Variants in ABR observed in about 807,000 individuals in gnomAD.
ABR encodes ABR activator of RhoGEF and GTPase.
Under a neutral mutation model 107.2 loss-of-function variants are expected in ABR, and 35 were observed. That is an observed-to-expected ratio of 0.33 (90% CI 0.25 to 0.43). The LOEUF (loss-of-function observed/expected upper bound fraction) is 0.43, where lower values mean the gene tolerates loss of function less well. ABR is among the 20% of genes least tolerant of loss of function. The pLI is 1.00. For missense variants in ABR, 815 were observed against 1,115.2 expected (o/e 0.73, Z 3.83); for synonymous variants, 498 against 462.0 (o/e 1.08, Z -1.00).
chr17:1,063,204 C>G (rs1597624156), intron 10 of ABR, among the ~76,000 whole-genome samples: 1 of 98,336 alleles, frequency 1.0e-5, no homozygotes, highest in Non-Finnish European at 2.0e-5. Flanking sequence ...TATGCATGTT[C>G]CTCTAGACAC....
chr17:1,012,729 CT>C lies in ABR; in HGVS notation c.1919del (p.Lys640SerfsTer8). On this transcript the variant is annotated frameshift_variant, in exon 18 of 23. Transcript: ENST00000302538. LOFTEE classifies it high-confidence loss of function. ...TCTTCACACCGAAGACGCCGGTCTG[CT>C]TTTTGGACGGGGTCCTCTTCAGGCT... ...DMSLKRTPSK[K>X]QTGVFGVKIS... 6.3e-7 allele frequency: 1 copy of C among 1,596,894 alleles called. No individual in the cohort carries two copies. The highest frequency in any genetic ancestry group is 8.5e-7 in the Non-Finnish European group (1 of 1,170,992).
chr17:1,078,060 G>A lies in ABR; in HGVS notation c.700+1270C>T, dbSNP rs183035104. Among the ~76,000 whole-genome samples, 343 of 152,226 alleles carry A rather than the reference G, an allele frequency of 2.3e-3. No individual in the cohort carries two copies. Among genetic ancestry groups the A allele is most frequent in the African/African-American group, 6.9e-3 (285 of 41,560 alleles). ...TTCCCCCCAGCCCCCAGCCAGCTGCGGGAGCTGCAAGGAGGATGGTCCGGG... is the reference window on the plus strand; with the variant it reads ...TTCCCCCCAGCCCCCAGCCAGCTGCAGGAGCTGCAAGGAGGATGGTCCGGG... On this transcript the variant is annotated intron_variant, in intron 6 of 22. Coordinates refer to ENST00000302538, the MANE Select transcript of ABR (RefSeq NM_021962.5). This position sits in a 1 kb window ranked among gnomAD's most constrained non-coding sequence, Gnocchi z 7.5.
intron 4 of ABR, among the ~76,000 whole-genome samples, chr17:1,089,558 C>T (rs952609123): frequency 2.6e-4 from 40 of 152,312 alleles, no homozygotes; most frequent in Middle Eastern, 3.4e-3. Flanking sequence ...GGCCCTGCAA[C>T]GTCTCCCTCC....
rs2035335442 is a variant in ABR, at chr17:1,072,637, C to A, written c.871G>T (p.Ala291Ser). The stretch of plus-strand genomic sequence containing the variant: ...ACCTCCCCCTTGGGCGTTGTCACTG[C>A]AGTCCGGCGGGGGTCGATGTCCTCG... ...INEDIDPRRT[A>S]VTTPKGETRQ... Residue 291 changes from alanine (A) to serine (S), a missense_variant, in exon 8 of 23, where the codon GCA becomes TCA. Transcript: ENST00000302538. 1.9e-6 allele frequency: 3 copies of A among 1,610,252 alleles called. No homozygotes were observed. Among genetic ancestry groups the A allele is most frequent in the Non-Finnish European group, 2.5e-6 (3 of 1,178,492 alleles).
chr17:1,066,585 T>A (rs192714478), intron 10 of ABR, among the ~76,000 whole-genome samples: 13 of 152,000 alleles, frequency 8.6e-5, no homozygotes, highest in African/African-American at 2.4e-4. Flanking sequence ...CTGGAGTGCA[T>A]TGGCATGTTC....
rs183338403 is a variant in ABR, at chr17:1,055,885, C to T, written c.1561+150G>A. ...GAAAGAGGACTTTGGAGACAAAGGC[C>T]AGGGGTGACCTCCCTGCCAAGAGGA... On this transcript the variant is annotated intron_variant, in intron 14 of 22. Coordinates refer to ENST00000302538, the MANE Select transcript of ABR (RefSeq NM_021962.5). 1,234 of 697,266 alleles carry T rather than the reference C, an allele frequency of 1.8e-3. 2 individuals are homozygous for T. The highest frequency in any genetic ancestry group is 2.6e-3 in the Non-Finnish European group (1,058 of 404,106). The allele number at this position is 697,266 out of a possible 1,614,324, so 43.2% of individuals were successfully genotyped here.
At chr17:1,009,960 C>G in intron 20 of ABR, 176 bp from the exon 21 acceptor site, 1 of 614,956 alleles carries the variant, frequency 1.6e-6, no homozygotes, top group Non-Finnish European at 2.9e-6. Flanking sequence ...CTGCTTCCTC[C>G]AGGAGGCCCC....
chr17:1,181,467 A>G (rs992505355), upstream of ABR, among the ~76,000 whole-genome samples: 2 of 152,022 alleles, frequency 1.3e-5, no homozygotes, highest in Admixed American at 6.5e-5. Flanking sequence ...CTCCGCCCCA[A>G]TCCTCCTGGC....
intron 1 of ABR, among the ~76,000 whole-genome samples, chr17:1,221,836 G>A (rs2150761226): frequency 6.6e-6 from 1 of 152,338 alleles, no homozygotes; most frequent in South Asian, 2.1e-4. Context: ...AGGGACCCCA[G>A]GGGACCTGGA....
chr17:1,188,410 C>T (rs906142558), upstream of ABR, among the ~76,000 whole-genome samples: 1 of 151,944 alleles, frequency 6.6e-6, no homozygotes, highest in African/African-American at 2.4e-5. Flanking sequence ...ATCATCTGGG[C>T]ATGGTGGCGG....
intron 16 of ABR, among the ~76,000 whole-genome samples, chr17:1,016,063 A>T (rs2071130451): frequency 1.3e-5 from 2 of 152,324 alleles, no homozygotes; most frequent in African/African-American, 2.4e-5. Flanking sequence ...CATTTTGTTC[A>T]CATAAAGAAG....
At chr17:1,103,494 G>A (rs35562875) in intron 2 of ABR, among the ~76,000 whole-genome samples, 5,999 of 152,282 alleles carry the variant, frequency 0.039, 184 homozygotes, top group East Asian at 0.15. Context: ...AGCTGTAACT[G>A]TAGAGCTGGT....
Position 1,108,784 on chromosome 17 carries a change from T to TC in ABR, c.247-8050dup, listed in dbSNP as rs1173161574. 17 of 1,019,160 alleles carry TC rather than the reference T, an allele frequency of 1.7e-5. No homozygotes were observed. In the Admixed American group the frequency reaches 6.8e-4, roughly 41 times the overall value. The allele number at this position is 1,019,160 out of a possible 1,614,324, so 63.1% of individuals were successfully genotyped here. ...GGTCGGGGAGGCAGGCCCGCCCCTC[T>TC]CCCCCGGGAACAGCTGCCGGGGCCG... On this transcript the variant is annotated intron_variant, in intron 2 of 22. Coordinates refer to ENST00000302538, the MANE Select transcript of ABR (RefSeq NM_021962.5).
intron 2 of ABR, among the ~76,000 whole-genome samples, chr17:1,119,735 T>G (rs1404955534): frequency 6.6e-6 from 1 of 152,124 alleles, no homozygotes; most frequent in African/African-American, 2.4e-5. Flanking sequence ...CAAACTGCAG[T>G]AGGATCAGCG....
At chr17:1,100,929 T>C in intron 2 of ABR, 194 bp from the exon 3 acceptor site, 1 of 595,084 alleles carries the variant, frequency 1.7e-6, no homozygotes, top group South Asian at 2.0e-5. Context: ...GTTCCAGTGA[T>C]TCCCCTGCCT....
In ABR at chr17:1,057,308, TTGTGTGTG is replaced by T. The variant is rs750525310; in HGVS notation, c.1382-214_1382-207del. ...AGTAGGAGAATCTAACTGAAGAGGT[TTGTGTGTG>T]TGTGTGTGTGTGTGTGTGTGTGTGT... is the stretch of plus-strand genomic sequence containing the variant. On this transcript the variant is annotated intron_variant, in intron 12 of 22. Coordinates refer to ENST00000302538, the MANE Select transcript of ABR (RefSeq NM_021962.5). 8.0e-3 allele frequency among the ~76,000 whole-genome samples: 543 copies of T among 67,934 alleles called. 10 individuals carry two copies. Among genetic ancestry groups the T allele is most frequent in the Admixed American group, 0.03 (220 of 7,442 alleles). The allele number at this position is 67,934 out of a possible 152,430, so 44.6% of individuals were successfully genotyped here.
Position 1,051,663 on chromosome 17 carries a change from T to C in ABR, c.1562-1029A>G, listed in dbSNP as rs1297902024. 6.6e-6 allele frequency among the ~76,000 whole-genome samples: 1 copy of C among 152,176 alleles called. No homozygotes were observed. The highest frequency in any genetic ancestry group is 2.4e-5 in the African/African-American group (1 of 41,446). On this transcript the variant is annotated intron_variant, in intron 14 of 22. Transcript: ENST00000302538. This position sits in a 1 kb window ranked among gnomAD's most constrained non-coding sequence, Gnocchi z 4.3. ...GGTGTGGGAGGTGCCTTTGGGACAC[T>C]ATGGCCAACCCTCTGCAGCGTGAAA...
chr17:1,028,137 C>G (rs1176701522), intron 16 of ABR, among the ~76,000 whole-genome samples: 1 of 152,144 alleles, frequency 6.6e-6, no homozygotes, highest in East Asian at 1.9e-4. Flanking sequence ...GTTGCCCAGG[C>G]TGGAGTGCAG....
chr17:1,090,880 G>C (rs2036977614), intron 4 of ABR, among the ~76,000 whole-genome samples: 1 of 152,226 alleles, frequency 6.6e-6, no homozygotes, highest in African/African-American at 2.4e-5. Flanking sequence ...ACGTTACGTA[G>C]CAGAGGTGGG....
Sources: gnomAD v4.1 joint callset for allele counts (sites outside exome capture counted in the v4.1 genomes callset) on GRCh38, gnomAD v4.1.1 for gene constraint, Gnocchi (gnomAD v3.1) non-coding constraint, MANE v1.5 for transcripts, NCBI Gene and HGNC (gene_info 2026-07-23, HGNC 2026-07-21) for gene names.